The following HOXB2 variants were observed in gnomAD, a reference collection of about 807,000 sequenced individuals.
HOXB2 encodes homeobox B2.
Under a neutral mutation model 13.1 loss-of-function variants are expected in HOXB2, and 14 were observed. The ratio of observed to expected loss-of-function variants is 1.07; its 90% CI spans 0.71 to 1.67. The LOEUF (loss-of-function observed/expected upper bound fraction) is 1.67. Ranked by LOEUF, HOXB2 falls within the 40% of genes most tolerant of loss-of-function variation. The pLI is 0.00. For missense variants in HOXB2, 582 were observed against 488.3 expected (o/e 1.19, Z -1.81); for synonymous variants, 261 against 233.1 (o/e 1.12, Z -1.09).
chr17:48,543,965 C>T (rs2068537251), intron 1 of HOXB2: 1 of 1,304,786 alleles, frequency 7.7e-7, no homozygotes, highest in Non-Finnish European at 9.7e-7. Context: ...CATTCAGAGC[C>T]GCCCACGGGC....
In HOXB2 at chr17:48,543,251, C is replaced by CGAGAA. The variant is rs768050444; in HGVS notation, c.883_887dup (p.Gly297SerfsTer92). ...GAAGGAAAGGTGAATCCTGGCGCCC[C>CGAGAA]GAGAAGACGTCTTCTGGCAATGGCC... On this transcript the variant is annotated frameshift_variant, in exon 2 of 2. Transcript: ENST00000330070. LOFTEE classifies it high-confidence loss of function. 6.2e-7 allele frequency: 1 copy of CGAGAA among 1,610,798 alleles called. No homozygotes were observed.
chr17:48,543,065 A>G lies in HOXB2; in HGVS notation c.*3T>C, dbSNP rs2144702928. 1 of 1,575,306 alleles carries G rather than the reference A, an allele frequency of 6.3e-7. No individual in the cohort carries two copies. Among genetic ancestry groups the G allele is most frequent in the Non-Finnish European group, 8.6e-7 (1 of 1,161,712 alleles). On this transcript the variant is annotated 3_prime_UTR_variant, in exon 2 of 2. Transcript: ENST00000330070. The stretch of plus-strand genomic sequence containing the variant: ...GTCGAAAGGACCGGGAGGAGGAAAC[A>G]GGTTAGGGAAACTGCAGGTCGATGG...
chr17:48,543,255 A>G lies in HOXB2; in HGVS notation c.884T>C (p.Phe295Ser). ...GAAAGGTGAATCCTGGCGCCCCGAG[A>G]AGACGTCTTCTGGCAATGGCCCGGG... is the stretch of plus-strand genomic sequence containing the variant. ...LEPGPLPEDV[F>S]SGRQDSPFLP... The change falls in exon 2 of 2, where the codon TTC becomes TCC. Residue 295 changes from phenylalanine (F) to serine (S), a missense_variant. Physicochemically the swap from Phe to Ser is radical, Grantham distance 155. Transcript: ENST00000330070. 6.2e-7 allele frequency: 1 copy of G among 1,610,544 alleles called. No individual in the cohort carries two copies. The highest frequency in any genetic ancestry group is 8.5e-7 in the Non-Finnish European group (1 of 1,179,884).
chr17:48,544,315 GAA>G (rs1282045135), intron 1 of HOXB2: 5 of 1,390,206 alleles, frequency 3.6e-6, no homozygotes, highest in South Asian at 3.4e-5. Flanking sequence ...CATAGGGAGA[GAA>G]AGAGAGAGAG....
Position 48,543,672 on chromosome 17 carries a change from A to G in HOXB2, c.467T>C (p.Leu156Pro). 6.2e-7 allele frequency: 1 copy of G among 1,613,338 alleles called. No individual in the cohort carries two copies. The highest frequency in any genetic ancestry group is 8.5e-7 in the Non-Finnish European group (1 of 1,179,932). Residue 156 changes from leucine (L) to proline (P), a missense_variant, in exon 2 of 2, where the codon CTG becomes CCG. Transcript: ENST00000330070. ...LRTAYTNTQL[L>P]ELEKEFHFNK... ...AAAGTGGAATTCCTTCTCCAGTTCC[A>G]GCAGCTGCGTGTTGGTGTAAGCCGT...
rs1555633354 is a variant in HOXB2 at position 48,544,789 on chromosome 17, T to C, written c.123A>G (p.Thr41=). 5.6e-6 allele frequency: 9 copies of C among 1,614,080 alleles called. No individual in the cohort carries two copies. Among genetic ancestry groups the C allele is most frequent in the South Asian group, 5.5e-5 (5 of 91,072 alleles). The part of the protein sequence containing the change: ...TFQTSSIKES[T]LIPPPPPFEQ... Reference sequence around the variant, plus strand: ...CGAAAGGAGGAGGAGGAGGAATTAATGTCGACTCCTTGATTGATGAAGTTT... The same window carrying C: ...CGAAAGGAGGAGGAGGAGGAATTAACGTCGACTCCTTGATTGATGAAGTTT... Residue 41 remains threonine, a synonymous_variant, in exon 1 of 2, where the codon ACA becomes ACG. Coordinates refer to ENST00000330070, the MANE Select transcript of HOXB2 (RefSeq NM_002145.4).
At chr17:48,543,892 A>T in intron 1 of HOXB2, 145 bp from the exon 2 acceptor site, 2 of 1,157,642 alleles carry the variant, frequency 1.7e-6, no homozygotes, top group Admixed American at 4.4e-5. Flanking sequence ...CGCTCGCTTT[A>T]CTGCTTTTGG....
At chr17:48,543,796 A>C in intron 1 of HOXB2, 49 bp from the exon 2 acceptor site, 1 of 1,534,032 alleles carries the variant, frequency 6.5e-7, no homozygotes, top group African/African-American at 1.4e-5. Context: ...TACTCAGCCC[A>C]ACCTCAGTTC....
At position 48,544,512 on chromosome 17, in the gene HOXB2, C is replaced by G. The variant is rs773389526; in HGVS notation, c.391+9G>C. On this transcript the variant is annotated intron_variant, in intron 1 of 1. Transcript: ENST00000330070. ...TGCCCCTCACCCCACCCCCACCACGCTTACCGACCTGCAGGCGATCCGACC... is the reference window on the plus strand; with the variant it reads ...TGCCCCTCACCCCACCCCCACCACGGTTACCGACCTGCAGGCGATCCGACC... 3.0e-5 allele frequency: 48 copies of G among 1,596,918 alleles called. No individual in the cohort carries two copies. Among genetic ancestry groups the G allele is most frequent in the Non-Finnish European group, 3.7e-5 (44 of 1,177,492 alleles).
Position 48,543,069 on chromosome 17 carries a change from T to G in HOXB2, c.1070A>C (p.Ter357SerextTer41). 6.3e-7 allele frequency: 1 copy of G among 1,586,282 alleles called. No homozygotes were observed. Among genetic ancestry groups the G allele is most frequent in the Non-Finnish European group, 8.6e-7 (1 of 1,167,352 alleles). ...TLCAIDLQFP[*>S] ...AAAGGACCGGGAGGAGGAAACAGGT[T>G]AGGGAAACTGCAGGTCGATGGCACA... is the stretch of plus-strand genomic sequence containing the variant. The change falls in exon 2 of 2, where the codon TAA (stop) becomes TCA (serine). Residue 357 changes from the stop codon to serine (S), a stop_lost. Transcript: ENST00000330070.
Position 48,545,015 on chromosome 17 carries a change from T to C in HOXB2, c.-104A>G. 1 of 1,080,062 alleles carries C rather than the reference T, an allele frequency of 9.3e-7. No individual in the cohort carries two copies. The highest frequency in any genetic ancestry group is 1.3e-6 in the Non-Finnish European group (1 of 768,756). 66.9% of individuals were successfully genotyped at this position (1,080,062 alleles called of 1,614,324 possible). Reference sequence around the variant, plus strand: ...CCCCCGATTTATGTAATGGAGCGATTTTGGGAGGGGGAGATTTCGGTCTCT... The same window carrying C: ...CCCCCGATTTATGTAATGGAGCGATCTTGGGAGGGGGAGATTTCGGTCTCT... On this transcript the variant is annotated 5_prime_UTR_variant, in exon 1 of 2. Coordinates refer to ENST00000330070, the MANE Select transcript of HOXB2 (RefSeq NM_002145.4).
Position 48,543,091 on chromosome 17 carries a change from C to T in HOXB2, c.1048G>A (p.Ala350Thr). Residue 350 changes from alanine (A) to threonine (T), a missense_variant, in exon 2 of 2, where the codon GCC (alanine) becomes ACC (threonine). Ala to Thr is a moderately conservative substitution (Grantham distance 58, BLOSUM62 0). Coordinates refer to ENST00000330070, the MANE Select transcript of HOXB2 (RefSeq NM_002145.4). The stretch of plus-strand genomic sequence containing the variant: ...GGTTAGGGAAACTGCAGGTCGATGG[C>T]ACAGAGCGTACTGGTGAAAAAATCC... ...ELDFFTSTLC[A>T]IDLQFP The T allele has an allele frequency of 6.2e-7, 1 of 1,609,728 alleles. No individual in the cohort carries two copies. The highest frequency in any genetic ancestry group is 8.5e-7 in the Non-Finnish European group (1 of 1,178,374).
rs1367338159 is a variant in HOXB2 at position 48,543,357 on chromosome 17, C to G, written c.782G>C (p.Arg261Pro). The G allele has an allele frequency of 6.3e-7, 1 of 1,593,562 alleles. No homozygotes were observed. Among genetic ancestry groups the G allele is most frequent in the African/African-American group, 1.3e-5 (1 of 74,460 alleles). The change falls in exon 2 of 2, where the codon CGG becomes CCG. Residue 261 changes from arginine to proline, a missense_variant. Transcript: ENST00000330070. ...VVPGALSADP[R>P]PLAVRLEGAG... ...GCCCTCTAAGCGAACGGCTAAAGGC[C>G]GGGGGTCCGCGCTTAAGGCCCCCGG...
In HOXB2 at chr17:48,542,926, G is replaced by A. The variant is rs1042815; in HGVS notation, c.*142C>T. ...CAATATTTTAGAAGAAGAAGAAAGG[G>A]AGTGGATTAAACGCTAATTCAGTAA... On this transcript the variant is annotated 3_prime_UTR_variant, in exon 2 of 2. Transcript: ENST00000330070. The A allele has an allele frequency of 0.58, 298,647 of 510,568 alleles. 91,279 individuals carry two copies. Among genetic ancestry groups the A allele is most frequent in the East Asian group, 0.71 (21,423 of 30,072 alleles). 31.6% of individuals were successfully genotyped at this position (510,568 alleles called of 1,614,324 possible).
In HOXB2 at chr17:48,544,782, G is replaced by T; in HGVS notation, c.130C>A (p.Pro44Thr). Residue 44 changes from proline to threonine, a missense_variant, in exon 1 of 2, where the codon CCT becomes ACT. Physicochemically the swap from Pro to Thr is conservative, Grantham distance 38 (BLOSUM62 -1). Transcript: ENST00000330070. ...GTTTGCTCGAAAGGAGGAGGAGGAG[G>T]AATTAATGTCGACTCCTTGATTGAT... The part of the protein sequence containing the change: ...TSSIKESTLI[P>T]PPPPFEQTFP... 1 of 1,613,884 alleles carries T rather than the reference G, an allele frequency of 6.2e-7. No individual in the cohort carries two copies. Among genetic ancestry groups the T allele is most frequent in the Non-Finnish European group, 8.5e-7 (1 of 1,179,832 alleles).
At chr17:48,543,949 G>A (rs2068536852) in intron 1 of HOXB2, 8 of 1,364,604 alleles carry the variant, frequency 5.9e-6, no homozygotes, top group South Asian at 5.8e-5. Context: ...CCGGGTCAGG[G>A]CAAAGCATTC....
rs1567936362 is a variant in HOXB2 at position 48,543,319 on chromosome 17, T to C, written c.820A>G (p.Ser274Gly). ...GCCCCGCGCAGCGCGCAGCCGGGACTCGACGCGCCTGCGCCCTCTAAGCGA... is the reference window on the plus strand; with the variant it reads ...GCCCCGCGCAGCGCGCAGCCGGGACCCGACGCGCCTGCGCCCTCTAAGCGA... Reference protein sequence around the residue: ...AVRLEGAGASSPGCALRGAGG... With the variant: ...AVRLEGAGASGPGCALRGAGG... The change falls in exon 2 of 2, where the codon AGT (serine) becomes GGT (glycine). Residue 274 changes from serine (S) to glycine (G), a missense_variant. Transcript: ENST00000330070. The C allele has an allele frequency of 6.3e-7, 1 of 1,599,746 alleles. No homozygotes were observed. Among genetic ancestry groups the C allele is most frequent in the Non-Finnish European group, 8.5e-7 (1 of 1,177,156 alleles).
In HOXB2 at chr17:48,543,107, G is replaced by A; in HGVS notation, c.1032C>T (p.Phe344=). 1.9e-6 allele frequency: 3 copies of A among 1,612,918 alleles called. No individual in the cohort carries two copies. Among genetic ancestry groups the A allele is most frequent in the African/African-American group, 1.3e-5 (1 of 74,862 alleles). ...GGTCGATGGCACAGAGCGTACTGGTGAAAAAATCCAGCTCTTCCTCGGAAA... is the reference window on the plus strand; with the variant it reads ...GGTCGATGGCACAGAGCGTACTGGTAAAAAAATCCAGCTCTTCCTCGGAAA... ...VPFSEEELDF[F]TSTLCAIDLQ... is the part of the protein sequence containing the mutation. The change falls in exon 2 of 2, where the codon TTC becomes TTT. Residue 344 remains phenylalanine, a synonymous_variant. Transcript: ENST00000330070.
chr17:48,543,590 G>T lies in HOXB2; in HGVS notation c.549C>A (p.Thr183=). ...RVEIAALLDL[T]ERQVKVWFQN... Reference sequence around the variant, plus strand: ...GAAACCAGACTTTGACCTGCCTTTCGGTGAGGTCCAGCAAGGCCGCGATCT... The same window carrying T: ...GAAACCAGACTTTGACCTGCCTTTCTGTGAGGTCCAGCAAGGCCGCGATCT... Residue 183 remains threonine, a synonymous_variant, in exon 2 of 2, where the codon ACC becomes ACA. Transcript: ENST00000330070. 2 of 1,613,566 alleles carry T rather than the reference G, an allele frequency of 1.2e-6. No individual in the cohort carries two copies. The highest frequency in any genetic ancestry group is 1.7e-6 in the Non-Finnish European group (2 of 1,180,000).
Sources: allele counts gnomAD v4.1 joint callset, GRCh38; gene constraint gnomAD v4.1.1; transcripts MANE v1.5; gene names NCBI Gene and HGNC (gene_info 2026-07-23, HGNC 2026-07-21).